The following DOCK4 variants were observed in gnomAD, a reference collection of about 807,000 sequenced individuals.
DOCK4 encodes dedicator of cytokinesis protein 4.
A neutral mutation model predicts 268.1 loss-of-function variants in DOCK4; 97 were observed. The observed-to-expected ratio is 0.36, with a 90% CI of 0.31 to 0.43. The LOEUF is 0.43. DOCK4 is among the 20% of genes least tolerant of loss of function. DOCK4 has a pLI of 1.00. For synonymous variants in DOCK4, 954 were observed against 887.2 expected, an observed-to-expected ratio of 1.08 and a Z score of -1.34; for missense variants, 2,145 against 2,455.7, an observed-to-expected ratio of 0.87 and a Z score of 2.67.
rs1432007229 is a variant in DOCK4 at position 111,844,978 on chromosome 7, A to G, written c.2602-81T>C. On this transcript the variant is annotated intron_variant, in intron 24 of 52. Transcript: ENST00000428084. ...TCTAACAGAAAAGGGGAAATCAAAG[A>G]GTCAGAGAACTTGAGGCATGGATTT... 7 of 1,514,170 alleles carry G rather than the reference A, an allele frequency of 4.6e-6. No individual in the cohort carries two copies. The Admixed American group carries it at 1.2e-4, about 26-fold the overall frequency. 93.8% of individuals were successfully genotyped at this position (1,514,170 alleles called of 1,614,324 possible).
chr7:111,895,757 A>G, intron 15 of DOCK4, 39 bp from the exon 16 acceptor site: 1 of 1,559,482 alleles, frequency 6.4e-7, no homozygotes, highest in Non-Finnish European at 8.8e-7. Flanking sequence ...AAGTGTATCT[A>G]TGTTCAGGTA....
At chr7:111,861,962 G>C (rs1247758011) in intron 23 of DOCK4, among the ~76,000 whole-genome samples, 1 of 151,952 alleles carries the variant, frequency 6.6e-6, no homozygotes, top group African/African-American at 2.4e-5. Flanking sequence ...TGGGAGCCTA[G>C]ACAGGAGGAC....
chr7:111,748,332 TAAGC>T (rs1471236763), intron 42 of DOCK4, among the ~76,000 whole-genome samples: 2 of 152,082 alleles, frequency 1.3e-5, no homozygotes, highest in South Asian at 2.1e-4. Flanking sequence ...GAAGGGAAGA[TAAGC>T]AAGAACATAG....
chr7:111,801,312 G>C (rs907179875), intron 30 of DOCK4, among the ~76,000 whole-genome samples: 1 of 152,110 alleles, frequency 6.6e-6, no homozygotes, highest in African/African-American at 2.4e-5. Context: ...TCATTTTTCC[G>C]CTGCTCATGC....
At chr7:111,781,449 A>G (rs983375641) in intron 35 of DOCK4, among the ~76,000 whole-genome samples, 1 of 152,242 alleles carries the variant, frequency 6.6e-6, no homozygotes, top group African/African-American at 2.4e-5. Context: ...TGTTCAAGTT[A>G]GAAATGAGTA....
chr7:111,811,679 A>G (rs746824868), intron 28 of DOCK4, among the ~76,000 whole-genome samples, 195 bp downstream of exon 28: 6 of 152,108 alleles, frequency 3.9e-5, no homozygotes, highest in Non-Finnish European at 7.4e-5. Flanking sequence ...ATAAAAAACT[A>G]TCTCCTTTTA....
At chr7:112,043,577 A>T (rs1804586429) in intron 1 of DOCK4, among the ~76,000 whole-genome samples, 1 of 152,048 alleles carries the variant, frequency 6.6e-6, no homozygotes, top group African/African-American at 2.4e-5. Flanking sequence ...AAAAAGGCAG[A>T]TAAGCCATTC....
rs147683430 is a variant in DOCK4, at chr7:112,051,103, C to A, written c.38-46972G>T. On this transcript the variant is annotated intron_variant, in intron 1 of 52. Coordinates refer to ENST00000428084, the MANE Select transcript of DOCK4 (RefSeq NM_001363540.2). ...TACTATATAATACCACTGTACTATA[C>A]AATACTGTGCTTACACCTAGAACAA... is the stretch of plus-strand genomic sequence containing the variant. Among the ~76,000 whole-genome samples, 53 of 152,042 alleles carry A rather than the reference C, an allele frequency of 3.5e-4. 1 individual carries two copies. In the East Asian group the frequency reaches 9.6e-3, roughly 28 times the overall value.
chr7:112,106,214 G>A (rs1811138800), intron 1 of DOCK4, among the ~76,000 whole-genome samples: 2 of 152,166 alleles, frequency 1.3e-5, no homozygotes, highest in African/African-American at 4.8e-5. Flanking sequence ...CTTTCTCTTA[G>A]GCAGGTTTCT....
chr7:111,911,975 C>A (rs541879027), intron 13 of DOCK4, among the ~76,000 whole-genome samples: 1 of 152,250 alleles, frequency 6.6e-6, no homozygotes, highest in Non-Finnish European at 1.5e-5. Context: ...GTTCTATAAA[C>A]AGTCATTTTC....
At chr7:112,097,914 G>A (rs1413375711) in intron 1 of DOCK4, among the ~76,000 whole-genome samples, 1 of 152,160 alleles carries the variant, frequency 6.6e-6, no homozygotes, top group Non-Finnish European at 1.5e-5. Flanking sequence ...GTGTGTTTCA[G>A]CATCAACAAT....
intron 1 of DOCK4, among the ~76,000 whole-genome samples, chr7:112,127,850 A>G (rs1813384680): frequency 6.6e-6 from 1 of 152,040 alleles, no homozygotes; most frequent in African/African-American, 2.4e-5. Flanking sequence ...CCTACAGGGT[A>G]AAACCCCATC....
chr7:111,892,889 GA>G (rs1808411634), intron 16 of DOCK4, among the ~76,000 whole-genome samples: 1 of 152,154 alleles, frequency 6.6e-6, no homozygotes, highest in Non-Finnish European at 1.5e-5. Context: ...CTGTAAATAA[GA>G]AATACTAAAT....
At chr7:111,809,464 C>G (rs983677409) in intron 28 of DOCK4, 63 bp from the exon 29 acceptor site, 9 of 1,397,522 alleles carry the variant, frequency 6.4e-6, no homozygotes, top group South Asian at 1.2e-5. Flanking sequence ...GGTGAAGTGA[C>G]ATAGTATTTT....
chr7:111,906,933 G>GT (rs757144793), intron 13 of DOCK4, among the ~76,000 whole-genome samples: 12 of 152,172 alleles, frequency 7.9e-5, no homozygotes, highest in Non-Finnish European at 1.3e-4. Flanking sequence ...CTCCAGAACT[G>GT]TAACACGGTA....
chr7:112,153,474 A>G (rs1816295014), intron 1 of DOCK4, among the ~76,000 whole-genome samples: 1 of 152,202 alleles, frequency 6.6e-6, no homozygotes, highest in Non-Finnish European at 1.5e-5. Context: ...TCTGAGATGT[A>G]AGAATAACTT....
Position 112,069,174 on chromosome 7 carries a change from G to A in DOCK4, c.38-65043C>T, listed in dbSNP as rs978094707. ...ATGGCTTGTACACCAAGCCGTCTAC[G>A]TAACACCAAGTTTGTACACCGAGCA... On this transcript the variant is annotated intron_variant, in intron 1 of 52. Transcript: ENST00000428084. 5.3e-5 allele frequency among the ~76,000 whole-genome samples: 8 copies of A among 152,260 alleles called. No homozygotes were observed. In the East Asian group the frequency reaches 5.8e-4, roughly 11 times the overall value.
At chr7:111,928,591 T>TC (rs1404782678) in intron 12 of DOCK4, among the ~76,000 whole-genome samples, 17 of 114,112 alleles carry the variant, frequency 1.5e-4, no homozygotes, top group African/African-American at 4.2e-4. Flanking sequence ...TTTTTCTTTT[T>TC]TTTTTTTTTT....
chr7:111,743,905 G>T (rs993576715), intron 44 of DOCK4, among the ~76,000 whole-genome samples: 2 of 152,096 alleles, frequency 1.3e-5, no homozygotes, highest in African/African-American at 4.8e-5. Context: ...CTGCAACCTC[G>T]AACTCCTGGG....
Sources: allele counts gnomAD v4.1 joint callset (sites outside exome capture counted in the v4.1 genomes callset), GRCh38; gene constraint gnomAD v4.1.1; transcripts MANE v1.5; gene names NCBI Gene and HGNC (gene_info 2026-07-23, HGNC 2026-07-21).